SORCS3: variants seen among roughly 807,000 people sequenced by gnomAD.
SORCS3 encodes VPS10 domain-containing receptor SorCS3.
Under a neutral mutation model 146.3 loss-of-function variants are expected in SORCS3, and 57 were observed. The observed-to-expected ratio is 0.39, with a 90% CI of 0.31 to 0.49. The LOEUF (loss-of-function observed/expected upper bound fraction) is 0.49, where lower values mean the gene tolerates loss of function less well. Among genes scored for constraint, SORCS3 ranks in the 20% least tolerant of loss-of-function variants. The pLI is 0.92. For missense variants in SORCS3, 1,341 were observed against 1,575.5 expected (o/e 0.85, Z 2.52); for synonymous variants, 653 against 618.5 (o/e 1.06, Z -0.83).
At chr10:104,882,508 T>C (rs1354529609) in intron 2 of SORCS3, among the ~76,000 whole-genome samples, 1 of 152,196 alleles carries the variant, frequency 6.6e-6, no homozygotes, top group Non-Finnish European at 1.5e-5. Context: ...TCATTGTTTG[T>C]GCTGGGGAAG....
chr10:104,802,873 A>G (rs1044667688), intron 1 of SORCS3, among the ~76,000 whole-genome samples: 1 of 152,174 alleles, frequency 6.6e-6, no homozygotes, highest in South Asian at 2.1e-4. Context: ...AGCATAGGCG[A>G]GGCTTCTGTT....
intron 4 of SORCS3, among the ~76,000 whole-genome samples, chr10:105,027,321 C>G (rs1382092280): frequency 6.6e-6 from 1 of 152,176 alleles, no homozygotes; most frequent in East Asian, 1.9e-4. Context: ...AATTCTTCCA[C>G]ATTGTGTTCA....
At chr10:104,975,856 A>G (rs1041137244) in intron 3 of SORCS3, among the ~76,000 whole-genome samples, 13 of 152,254 alleles carry the variant, frequency 8.5e-5, no homozygotes, top group African/African-American at 3.1e-4. Context: ...CCGGCTAGCC[A>G]TATGTAGAAA....
intron 2 of SORCS3, among the ~76,000 whole-genome samples, chr10:104,887,136 A>G (rs1589536540): frequency 6.6e-6 from 1 of 152,346 alleles, no homozygotes; most frequent in East Asian, 1.9e-4. Flanking sequence ...TGATTATATG[A>G]AAATTTAAAA....
At chr10:105,238,176 G>T (rs1199081937) in intron 20 of SORCS3, among the ~76,000 whole-genome samples, 1 of 152,138 alleles carries the variant, frequency 6.6e-6, no homozygotes, top group Non-Finnish European at 1.5e-5. Flanking sequence ...ATCTATCAGT[G>T]GGCAATGTGA....
At chr10:104,818,097 T>C (rs753364213) in intron 1 of SORCS3, among the ~76,000 whole-genome samples, 2 of 152,200 alleles carry the variant, frequency 1.3e-5, no homozygotes, top group Non-Finnish European at 2.9e-5. Context: ...CACACACCTG[T>C]GCACACTTGG....
intron 1 of SORCS3, among the ~76,000 whole-genome samples, chr10:104,663,961 A>C (rs2015735045): frequency 6.6e-6 from 1 of 152,186 alleles, no homozygotes; most frequent in South Asian, 2.1e-4. Context: ...GGTAACTTTT[A>C]TGCCAAGCAT....
At chr10:104,916,961 C>G (rs755321082) in intron 3 of SORCS3, among the ~76,000 whole-genome samples, 2 of 152,196 alleles carry the variant, frequency 1.3e-5, no homozygotes, top group Non-Finnish European at 2.9e-5. Flanking sequence ...CAGAGCAGAG[C>G]AGCTTTTACC....
At chr10:105,113,895 TAA>T (rs2055875525) in intron 7 of SORCS3, among the ~76,000 whole-genome samples, 1 of 152,080 alleles carries the variant, frequency 6.6e-6, no homozygotes, top group African/African-American at 2.4e-5. Context: ...TCCACTTGGA[TAA>T]AAGAGAAATC....
chr10:104,825,332 G>A (rs985294520), intron 1 of SORCS3, among the ~76,000 whole-genome samples: 2 of 152,302 alleles, frequency 1.3e-5, no homozygotes, highest in Non-Finnish European at 2.9e-5. Context: ...GGACACTGAG[G>A]CTCAATAGGG....
chr10:104,898,370 G>T (rs2018819753), intron 2 of SORCS3, among the ~76,000 whole-genome samples: 2 of 152,120 alleles, frequency 1.3e-5, no homozygotes, highest in Admixed American at 6.6e-5. Flanking sequence ...TGAAGAATAG[G>T]GACTCAGCAA....
Position 105,250,334 on chromosome 10 carries a change from A to C in SORCS3, c.3106-2441A>C, listed in dbSNP as rs371355264. 4.6e-5 allele frequency among the ~76,000 whole-genome samples: 7 copies of C among 152,336 alleles called. No homozygotes were observed. In the South Asian group the frequency reaches 1.0e-3, roughly 23 times the overall value. On this transcript the variant is annotated intron_variant, in intron 22 of 26. Transcript: ENST00000369701. ...ATATGTCTTTGGTTGCAAGGCATCC[A>C]GAATTGGGTTGTGTTATGTATGGTT...
chr10:105,044,556 T>C (rs1193197929), intron 5 of SORCS3, among the ~76,000 whole-genome samples: 1 of 152,120 alleles, frequency 6.6e-6, no homozygotes, highest in Non-Finnish European at 1.5e-5. Context: ...TGGTAACAAA[T>C]ACCTTGTACA....
At chr10:104,780,589 G>A (rs878958113) in intron 1 of SORCS3, among the ~76,000 whole-genome samples, 13 of 152,212 alleles carry the variant, frequency 8.5e-5, no homozygotes, top group African/African-American at 2.9e-4. Context: ...ATCTGCAGGG[G>A]CCTCTGCTCC....
At chr10:104,822,240 T>C in intron 1 of SORCS3, 1 of 359,524 alleles carries the variant, frequency 2.8e-6, no homozygotes, top group South Asian at 2.2e-5. Flanking sequence ...GGAGATTGTT[T>C]AGACCAGAGT....
chr10:104,904,459 C>T (rs1009635982), intron 2 of SORCS3, among the ~76,000 whole-genome samples: 2 of 152,082 alleles, frequency 1.3e-5, no homozygotes, highest in South Asian at 2.1e-4. Context: ...AATAATGATA[C>T]ATACAAATAT....
At chr10:104,849,973 C>A (rs1410350088) in intron 2 of SORCS3, among the ~76,000 whole-genome samples, 1 of 152,188 alleles carries the variant, frequency 6.6e-6, no homozygotes. Context: ...TTTCATACAC[C>A]AGATGCTGCT....
intron 3 of SORCS3, among the ~76,000 whole-genome samples, chr10:104,948,839 T>C (rs1158142369): frequency 1.3e-5 from 2 of 152,180 alleles, no homozygotes; most frequent in Non-Finnish European, 2.9e-5. Context: ...ATGGGAAGTA[T>C]TTTATTATAG....
intron 19 of SORCS3, among the ~76,000 whole-genome samples, chr10:105,222,693 A>G (rs1470295176): frequency 6.6e-6 from 1 of 152,220 alleles, no homozygotes; most frequent in East Asian, 1.9e-4. Context: ...AAGGAGATGG[A>G]AACCCATTAA....
Sources: gnomAD v4.1 joint callset for allele counts (sites outside exome capture counted in the v4.1 genomes callset) on GRCh38, gnomAD v4.1.1 for gene constraint, MANE v1.5 for transcripts, NCBI Gene and HGNC (gene_info 2026-07-23, HGNC 2026-07-21) for gene names.